The following NRXN3 variants were observed in gnomAD, a reference collection of about 807,000 sequenced individuals.
The protein encoded by NRXN3 is neurexin 3.
A neutral mutation model predicts 137.6 loss-of-function variants in NRXN3; 32 were observed. The ratio of observed to expected loss-of-function variants is 0.23; its 90% CI spans 0.18 to 0.31. NRXN3 has a LOEUF of 0.31. NRXN3 is among the 10% of genes least tolerant of loss of function. NRXN3 has a pLI of 1.00. For synonymous variants in NRXN3, 798 were observed against 784.5 expected, an observed-to-expected ratio of 1.02 and a Z score of -0.29; for missense variants, 1,574 against 2,062.5, an observed-to-expected ratio of 0.76 and a Z score of 4.59.
chr14:79,278,616 T>C lies in NRXN3; in HGVS notation c.3263-188605T>C, dbSNP rs1156348067. Among the ~76,000 whole-genome samples the C allele has an allele frequency of 2.6e-5, 4 of 152,206 alleles. 1 individual carries two copies. The South Asian group carries it at 6.2e-4, about 24-fold the overall frequency. On this transcript the variant is annotated intron_variant, in intron 15 of 20. Coordinates refer to ENST00000335750, the MANE Select transcript of NRXN3 (RefSeq NM_001330195.2). ...CAGCCGACTTGGCCCTCTCCCCTTC[T>C]GAAGTTTTTTGATCAGGACTACAGG...
chr14:78,646,136 C>A (rs1421214997), intron 5 of NRXN3, among the ~76,000 whole-genome samples: 6 of 152,078 alleles, frequency 3.9e-5, no homozygotes, highest in African/African-American at 1.4e-4. Flanking sequence ...CTGGTTCTGT[C>A]CGTGCTTGGG....
intron 4 of NRXN3, among the ~76,000 whole-genome samples, chr14:78,448,052 T>TA (rs1008912144): frequency 4.6e-5 from 7 of 152,304 alleles, no homozygotes; most frequent in East Asian, 1.9e-4. Context: ...TCTCTTCTTT[T>TA]AAAAATCTCA....
intron 15 of NRXN3, among the ~76,000 whole-genome samples, chr14:79,217,651 A>T (rs775078562): frequency 6.6e-6 from 1 of 152,184 alleles, no homozygotes; most frequent in African/African-American, 2.4e-5. Flanking sequence ...GTGGTTCTCA[A>T]TCTTTGTGGC....
intron 3 of NRXN3, among the ~76,000 whole-genome samples, chr14:78,280,560 C>T (rs1489570897): frequency 6.6e-6 from 1 of 152,092 alleles, no homozygotes; most frequent in Non-Finnish European, 1.5e-5. Flanking sequence ...GAGAAGTGAC[C>T]AGGGGTCACC....
At chr14:78,415,733 G>T (rs1448595722) in intron 4 of NRXN3, among the ~76,000 whole-genome samples, 2 of 152,028 alleles carry the variant, frequency 1.3e-5, no homozygotes, top group African/African-American at 4.8e-5. Context: ...ACATCTGGGG[G>T]TCATTAGAGT....
At chr14:78,211,856 A>G (rs932910590) in intron 1 of NRXN3, among the ~76,000 whole-genome samples, 2 of 152,340 alleles carry the variant, frequency 1.3e-5, no homozygotes, top group South Asian at 2.1e-4. Context: ...AAGGGGAATC[A>G]CTGTTGTCTT....
At chr14:78,413,962 A>G (rs2092986010) in intron 4 of NRXN3, among the ~76,000 whole-genome samples, 2 of 152,124 alleles carry the variant, frequency 1.3e-5, no homozygotes, top group South Asian at 4.1e-4. Context: ...GACAGTGAGT[A>G]AGTCTTATGA....
chr14:78,574,892 G>A (rs2096922414), intron 4 of NRXN3, among the ~76,000 whole-genome samples: 1 of 152,152 alleles, frequency 6.6e-6, no homozygotes, highest in Admixed American at 6.5e-5. Flanking sequence ...TTTGGGAGGA[G>A]CCAGGGACAG....
chr14:79,710,363 T>TA (rs1222415425), intron 19 of NRXN3, among the ~76,000 whole-genome samples: 2 of 152,178 alleles, frequency 1.3e-5, no homozygotes, highest in Non-Finnish European at 2.9e-5. Flanking sequence ...AAAAAAATAA[T>TA]AAAAATCTAT....
At chr14:78,982,954 C>T (rs1033290585) in intron 14 of NRXN3, among the ~76,000 whole-genome samples, 1 of 151,824 alleles carries the variant, frequency 6.6e-6, no homozygotes, top group African/African-American at 2.4e-5. Context: ...AACAAATACC[C>T]CAATCAAAAA....
intron 15 of NRXN3, among the ~76,000 whole-genome samples, chr14:79,126,370 T>A (rs1295372065): frequency 7.9e-6 from 1 of 126,982 alleles, no homozygotes. Flanking sequence ...TTCCCCTTCC[T>A]GTGTCCATGT....
intron 4 of NRXN3, among the ~76,000 whole-genome samples, chr14:78,308,093 GT>G (rs397735239): frequency 5.7e-4 from 85 of 149,332 alleles, no homozygotes; most frequent in Admixed American, 3.1e-3. Context: ...ACATTTTCTT[GT>G]TTTTTTTTTA....
intron 15 of NRXN3, among the ~76,000 whole-genome samples, chr14:79,159,942 A>G (rs958696763): frequency 1.3e-5 from 2 of 151,866 alleles, no homozygotes; most frequent in Admixed American, 6.6e-5. Flanking sequence ...ATCCATCTAC[A>G]TATATGGCCA....
intron 16 of NRXN3, among the ~76,000 whole-genome samples, chr14:79,580,605 T>C (rs189664716): frequency 6.6e-6 from 1 of 152,312 alleles, no homozygotes; most frequent in Admixed American, 6.5e-5. Context: ...TGGAGGATTA[T>C]TAGAAACGGG....
Position 78,714,872 on chromosome 14 carries a change from A to C in NRXN3, c.1777A>C (p.Ile593Leu). 1.9e-6 allele frequency: 3 copies of C among 1,614,112 alleles called. No individual in the cohort carries two copies. Among genetic ancestry groups the C allele is most frequent in the Non-Finnish European group, 2.5e-6 (3 of 1,180,024 alleles). Residue 593 changes from isoleucine to leucine, a missense_variant, in exon 8 of 21, where the codon ATT (isoleucine) becomes CTT (leucine). This residue lies in a region of NRXN3 where 718 missense variants were observed against 887.6 expected (regional missense o/e 0.81). Coordinates refer to ENST00000335750, the MANE Select transcript of NRXN3 (RefSeq NM_001330195.2). ...GGLPENRAGL[I>L]LPTELWTAML... Reference sequence around the variant, plus strand: ...GCTGCCGGAGAACCGTGCTGGCCTTATTCTCCCCACCGAGCTGTGGACTGC... The same window carrying C: ...GCTGCCGGAGAACCGTGCTGGCCTTCTTCTCCCCACCGAGCTGTGGACTGC...
intron 15 of NRXN3, among the ~76,000 whole-genome samples, chr14:79,044,881 C>G (rs138478203): frequency 6.7e-6 from 1 of 150,198 alleles, no homozygotes; most frequent in Non-Finnish European, 1.5e-5. Context: ...CATTTTCTTC[C>G]AGTTTTTTCC....
intron 4 of NRXN3, among the ~76,000 whole-genome samples, chr14:78,620,066 C>T (rs1601471655): frequency 6.6e-6 from 1 of 152,110 alleles, no homozygotes; most frequent in Non-Finnish European, 1.5e-5. Flanking sequence ...TACAGCAGCC[C>T]AAACTGGCTA....
chr14:78,926,239 A>G (rs1282159689), intron 10 of NRXN3, among the ~76,000 whole-genome samples: 1 of 152,140 alleles, frequency 6.6e-6, no homozygotes, highest in Non-Finnish European at 1.5e-5. Flanking sequence ...TATACCTATG[A>G]TAAAGTTTAA....
At chr14:79,319,692 A>G (rs369428724) in intron 15 of NRXN3, among the ~76,000 whole-genome samples, 16 of 152,084 alleles carry the variant, frequency 1.1e-4, no homozygotes, top group African/African-American at 3.1e-4. Context: ...TTTTTGAGTA[A>G]TTATTATCCA....
Sources: gnomAD v4.1 joint callset for allele counts (sites outside exome capture counted in the v4.1 genomes callset) on GRCh38, gnomAD v4.1.1 for gene constraint, gnomAD v4.1.1 regional missense constraint, MANE v1.5 for transcripts, NCBI Gene and HGNC (gene_info 2026-07-23, HGNC 2026-07-21) for gene names.